Variants in CDK19 observed in about 807,000 individuals in gnomAD.
CDK19 encodes the protein cyclin dependent kinase 19.
A neutral mutation model predicts 68.3 loss-of-function variants in CDK19; 20 were observed. That is an observed-to-expected ratio of 0.29 (90% CI 0.21 to 0.43). CDK19 has a LOEUF of 0.43. Ranked by LOEUF, CDK19 falls within the 20% of genes least tolerant of loss-of-function variation. The probability of loss-of-function intolerance (pLI) is 1.00; values close to 1 mark genes in which losing one functional copy is unlikely to be tolerated. For missense variants in CDK19, 339 were observed against 623.5 expected (o/e 0.54, Z 4.86); for synonymous variants, 221 against 222.8 (o/e 0.99, Z 0.07).
intron 1 of CDK19, among the ~76,000 whole-genome samples, chr6:110,812,759 T>C (rs549794298): frequency 1.3e-5 from 2 of 148,804 alleles, no homozygotes; most frequent in East Asian, 2.0e-4. Context: ...TAATCTACCA[T>C]GATCGGAGTG....
At chr6:110,744,416 T>G (rs1447041606) in intron 2 of CDK19, among the ~76,000 whole-genome samples, 1 of 151,318 alleles carries the variant, frequency 6.6e-6, no homozygotes, top group Non-Finnish European at 1.5e-5. Context: ...ACGCCTGCAA[T>G]CCCAGCACTT....
chr6:110,767,416 G>A (rs887283290), intron 1 of CDK19, among the ~76,000 whole-genome samples: 2 of 150,882 alleles, frequency 1.3e-5, no homozygotes, highest in Non-Finnish European at 3.0e-5. Context: ...TCAGGAGTTC[G>A]AGACCAGCCT....
At chr6:110,799,956 T>C (rs1782234695) in intron 1 of CDK19, among the ~76,000 whole-genome samples, 1 of 152,154 alleles carries the variant, frequency 6.6e-6, no homozygotes, top group Non-Finnish European at 1.5e-5. Flanking sequence ...AACCCATAGA[T>C]AGAGAGGGCT....
At chr6:110,775,413 A>G (rs1583072656) in intron 1 of CDK19, among the ~76,000 whole-genome samples, 1 of 152,198 alleles carries the variant, frequency 6.6e-6, no homozygotes, top group African/African-American at 2.4e-5. Context: ...GGACAACGTA[A>G]AAGAAAAAAG....
intron 1 of CDK19, among the ~76,000 whole-genome samples, chr6:110,783,986 C>T (rs888952152): frequency 1.3e-5 from 2 of 151,232 alleles, no homozygotes; most frequent in Non-Finnish European, 2.9e-5. Context: ...ATGGTGAAAC[C>T]CCATCTCTAC....
chr6:110,694,236 G>A (rs963328121), intron 2 of CDK19, among the ~76,000 whole-genome samples: 1 of 152,318 alleles, frequency 6.6e-6, no homozygotes, highest in African/African-American at 2.4e-5. Context: ...AGTATCTGCT[G>A]TCTTCAAGAG....
chr6:110,751,492 C>A (rs961298292), intron 1 of CDK19, among the ~76,000 whole-genome samples: 1 of 152,070 alleles, frequency 6.6e-6, no homozygotes, highest in African/African-American at 2.4e-5. Context: ...AAACACAGGA[C>A]TCCTGCTGAT....
intron 1 of CDK19, among the ~76,000 whole-genome samples, chr6:110,798,898 T>C (rs766127127): frequency 6.6e-6 from 1 of 151,576 alleles, no homozygotes; most frequent in Non-Finnish European, 1.5e-5. Flanking sequence ...ATCCTAGTAC[T>C]TTGGGAGGCT....
chr6:110,775,250 A>G (rs1195706190), intron 1 of CDK19, among the ~76,000 whole-genome samples: 1 of 152,214 alleles, frequency 6.6e-6, no homozygotes, highest in African/African-American at 2.4e-5. Context: ...TCTCAAAAAA[A>G]GAAAGAAAAG....
intron 1 of CDK19, among the ~76,000 whole-genome samples, chr6:110,791,229 TTCTGA>T (rs2115069690): frequency 6.6e-6 from 1 of 151,934 alleles, no homozygotes; most frequent in South Asian, 2.1e-4. Context: ...AGAACACTGG[TTCTGA>T]TCTGTCATGG....
chr6:110,756,315 G>A (rs952521252), intron 1 of CDK19, among the ~76,000 whole-genome samples: 10 of 151,896 alleles, frequency 6.6e-5, no homozygotes, highest in Non-Finnish European at 1.2e-4. Flanking sequence ...ACTTGAACTC[G>A]GGAGGCAGAG....
At position 110,673,019 on chromosome 6, in the gene CDK19, T is replaced by C. The variant is rs1270205544; in HGVS notation, c.205-2478A>G. On this transcript the variant is annotated intron_variant, in intron 2 of 12. Coordinates refer to ENST00000368911, the MANE Select transcript of CDK19 (RefSeq NM_015076.5). ...CTTATACTAGTTCAATGGGATTAAGTACAACCATCATCACTGTGTATTTCC... is the reference window on the plus strand; with the variant it reads ...CTTATACTAGTTCAATGGGATTAAGCACAACCATCATCACTGTGTATTTCC... 2.6e-5 allele frequency among the ~76,000 whole-genome samples: 4 copies of C among 152,246 alleles called. No individual in the cohort carries two copies. In the South Asian group the frequency reaches 6.2e-4, roughly 24 times the overall value.
Position 110,688,846 on chromosome 6 carries a change from C to T in CDK19, c.205-18305G>A, listed in dbSNP as rs1582868103. Among the ~76,000 whole-genome samples, 7 of 152,342 alleles carry T rather than the reference C, an allele frequency of 4.6e-5. No homozygotes were observed. The South Asian group carries it at 1.4e-3, about 32-fold the overall frequency. On this transcript the variant is annotated intron_variant, in intron 2 of 12. Coordinates refer to ENST00000368911, the MANE Select transcript of CDK19 (RefSeq NM_015076.5). ...GCTGCAGGTTGAAAGAAGCCCTCAACTGAATTTCACAATGTAACCTCAAGT... is the reference window on the plus strand; with the variant it reads ...GCTGCAGGTTGAAAGAAGCCCTCAATTGAATTTCACAATGTAACCTCAAGT...
chr6:110,812,199 C>A (rs1000282058), intron 1 of CDK19, among the ~76,000 whole-genome samples: 1 of 151,734 alleles, frequency 6.6e-6, no homozygotes, highest in Non-Finnish European at 1.5e-5. Flanking sequence ...CGGCTCACTG[C>A]AAGCTCCACC....
At chr6:110,635,686 C>T (rs928275154) in intron 5 of CDK19, among the ~76,000 whole-genome samples, 4 of 152,044 alleles carry the variant, frequency 2.6e-5, no homozygotes, top group Admixed American at 6.6e-5. Context: ...ATTACAGGCA[C>T]GCACCACCAC....
chr6:110,784,718 A>G (rs1781076193), intron 1 of CDK19, among the ~76,000 whole-genome samples: 1 of 152,210 alleles, frequency 6.6e-6, no homozygotes, highest in Admixed American at 6.5e-5. Context: ...TAATAGCCTA[A>G]AAGTGGAAAC....
chr6:110,620,117 T>C (rs1360138209), intron 12 of CDK19, among the ~76,000 whole-genome samples: 1 of 152,102 alleles, frequency 6.6e-6, no homozygotes, highest in South Asian at 2.1e-4. Flanking sequence ...GGAAGTATTA[T>C]GTACTCTTCT....
chr6:110,665,214 T>C (rs1781851743), intron 4 of CDK19, among the ~76,000 whole-genome samples: 1 of 152,158 alleles, frequency 6.6e-6, no homozygotes, highest in Non-Finnish European at 1.5e-5. Context: ...TAGAGGCTAG[T>C]ATCACAATGC....
chr6:110,760,888 G>A (rs1779185004), intron 1 of CDK19, among the ~76,000 whole-genome samples: 1 of 152,202 alleles, frequency 6.6e-6, no homozygotes, highest in African/African-American at 2.4e-5. Context: ...AACTTAAGTA[G>A]TCTGGCTAAA....
Sources: allele counts gnomAD v4.1 joint callset (sites outside exome capture counted in the v4.1 genomes callset), GRCh38; gene constraint gnomAD v4.1.1; transcripts MANE v1.5; gene names NCBI Gene and HGNC (gene_info 2026-07-23, HGNC 2026-07-21).